The following PCNX2 variants were observed in gnomAD, a reference collection of about 807,000 sequenced individuals.
The protein encoded by PCNX2 is pecanex-like protein 2.
Under a neutral mutation model 223.8 loss-of-function variants are expected in PCNX2, and 168 were observed. The observed-to-expected ratio is 0.75, with a 90% CI of 0.66 to 0.85. The LOEUF (loss-of-function observed/expected upper bound fraction) is 0.85. Among genes scored for constraint, PCNX2 ranks in the 40% least tolerant of loss-of-function variants. PCNX2 has a pLI of 0.00. For synonymous variants in PCNX2, 1,006 were observed against 1,052.6 expected (o/e 0.96, Z 0.86); for missense variants, 2,507 against 2,675.5 (o/e 0.94, Z 1.39).
chr1:233,183,811 A>G (rs1342033768), intron 15 of PCNX2, among the ~76,000 whole-genome samples: 1 of 152,186 alleles, frequency 6.6e-6, no homozygotes, highest in Non-Finnish European at 1.5e-5. Context: ...CACAGCAGGA[A>G]GCAGAAGCTC....
At chr1:232,996,201 GA>G (rs1390875490) in intron 32 of PCNX2, among the ~76,000 whole-genome samples, 1 of 152,076 alleles carries the variant, frequency 6.6e-6, no homozygotes, top group African/African-American at 2.4e-5. Flanking sequence ...AACCAGGTCT[GA>G]AGCACTTCTG....
chr1:233,096,383 T>C (rs192248555), intron 21 of PCNX2, among the ~76,000 whole-genome samples: 1 of 152,134 alleles, frequency 6.6e-6, no homozygotes, highest in Non-Finnish European at 1.5e-5. Context: ...CAAGGAAAAA[T>C]CGAGTTTTGG....
In PCNX2 at chr1:232,986,508, C is replaced by A; in HGVS notation, c.5824G>T (p.Ala1942Ser). ...GGCCTTTGGCTTAGCGCTGAGTGTG[C>A]CTGCACGGACTGGCTCCTGCCTTTC... ...RRKGRSQSVQAHSALSQRPPM... is the reference protein window; with the variant it reads ...RRKGRSQSVQSHSALSQRPPM... The change falls in exon 33 of 34, where the codon GCA becomes TCA. Residue 1942 changes from alanine to serine, a missense_variant. Around this residue, in one of 3 missense-constraint regions of PCNX2, gnomAD observed 1,372 missense variants for 1,509.4 expected, o/e 0.91. Coordinates refer to ENST00000258229, the MANE Select transcript of PCNX2 (RefSeq NM_014801.4). The A allele has an allele frequency of 6.4e-7, 1 of 1,554,512 alleles. No individual in the cohort carries two copies. The highest frequency in any genetic ancestry group is 8.7e-7 in the Non-Finnish European group (1 of 1,149,214).
intron 1 of PCNX2, among the ~76,000 whole-genome samples, chr1:233,290,493 T>C (rs1236994114): frequency 6.6e-6 from 1 of 152,186 alleles, no homozygotes. Context: ...TTGTTGTATG[T>C]TTTAAACTTT....
At chr1:233,124,831 T>A (rs56205588) in intron 21 of PCNX2, among the ~76,000 whole-genome samples, 22,902 of 152,178 alleles carry the variant, frequency 0.15, 1,899 homozygotes, top group East Asian at 0.25. Context: ...AGGTAATAAA[T>A]ACATCATATT....
At position 233,083,629 on chromosome 1, in the gene PCNX2, T is replaced by C. The variant is rs147605399; in HGVS notation, c.4076+6432A>G. On this transcript the variant is annotated intron_variant, in intron 23 of 33. Transcript: ENST00000258229. Reference sequence around the variant, plus strand: ...ATTCACGAGAGCTCACTAAGACTAGTTACAATATTTTTATCATTTATTTTG... The same window carrying C: ...ATTCACGAGAGCTCACTAAGACTAGCTACAATATTTTTATCATTTATTTTG... 3.7e-3 allele frequency among the ~76,000 whole-genome samples: 559 copies of C among 152,314 alleles called. 4 individuals are homozygous for C. Among genetic ancestry groups the C allele is most frequent in the African/African-American group, 0.013 (543 of 41,566 alleles).
At chr1:233,282,874 T>A (rs1323948776) in intron 1 of PCNX2, among the ~76,000 whole-genome samples, 1 of 152,308 alleles carries the variant, frequency 6.6e-6, no homozygotes, top group African/African-American at 2.4e-5. Context: ...GAGGAAAAGC[T>A]AAAATTATAT....
intron 22 of PCNX2, chr1:233,095,506 G>A: frequency 2.0e-6 from 1 of 500,494 alleles, no homozygotes; most frequent in South Asian, 2.4e-5. Context: ...TCTGGGCATG[G>A]GAAATGGAAG....
rs1349960335 is a variant in PCNX2 at position 233,135,013 on chromosome 1, C to T, written c.3837G>A (p.Lys1279=). Reference sequence around the variant, plus strand: ...TGAAGAAAATAGCTAATTCACTTGCCTTGCTAAATAAAATGGACACCATGA... The same window carrying T: ...TGAAGAAAATAGCTAATTCACTTGCTTTGCTAAATAAAATGGACACCATGA... ...DFFMVSILFS[K]LGDLLHKLQF... The change falls in exon 21 of 34, where the codon AAG becomes AAA. Residue 1279 remains lysine (K), a splice_region_variant and synonymous_variant. Transcript: ENST00000258229. 1 of 1,593,810 alleles carries T rather than the reference C, an allele frequency of 6.3e-7. No individual in the cohort carries two copies.
intron 21 of PCNX2, among the ~76,000 whole-genome samples, chr1:233,098,493 T>C (rs1033172043): frequency 6.6e-6 from 1 of 152,220 alleles, no homozygotes; most frequent in Non-Finnish European, 1.5e-5. Context: ...CCTTGTTCTT[T>C]TCCTATGACT....
chr1:233,129,512 G>A (rs983761670), intron 21 of PCNX2, among the ~76,000 whole-genome samples: 2 of 152,240 alleles, frequency 1.3e-5, no homozygotes, highest in East Asian at 1.9e-4. Flanking sequence ...TGGGTTCACA[G>A]TGCGGGACTG....
At chr1:233,265,360 T>C (rs577888670) in intron 1 of PCNX2, among the ~76,000 whole-genome samples, 27 of 152,152 alleles carry the variant, frequency 1.8e-4, no homozygotes, top group Non-Finnish European at 3.4e-4. Context: ...AAATACTCCA[T>C]CCTCTCCTCT....
At chr1:233,134,934 A>C in intron 21 of PCNX2, 79 bp downstream of exon 21, 1 of 1,215,616 alleles carries the variant, frequency 8.2e-7, no homozygotes, top group Non-Finnish European at 1.2e-6. Flanking sequence ...ATAAAGAATA[A>C]GTTTTAAACT....
chr1:233,033,198 T>G (rs947595507), intron 25 of PCNX2: 5 of 985,310 alleles, frequency 5.1e-6, no homozygotes, highest in Non-Finnish European at 6.0e-6. Flanking sequence ...CTGTCACACC[T>G]TTGTCACACC....
At chr1:233,063,765 C>G (rs1351894918) in intron 23 of PCNX2, among the ~76,000 whole-genome samples, 1 of 152,160 alleles carries the variant, frequency 6.6e-6, no homozygotes, top group Non-Finnish European at 1.5e-5. Context: ...TTCTAGACTT[C>G]TAGTTGACAT....
chr1:233,269,268 T>C (rs1225591467), intron 1 of PCNX2, among the ~76,000 whole-genome samples: 2 of 152,202 alleles, frequency 1.3e-5, no homozygotes, highest in Non-Finnish European at 2.9e-5. Flanking sequence ...GTGCTCTTGG[T>C]CTAAGCATAA....
chr1:233,165,349 T>G (rs1247593703), intron 17 of PCNX2, among the ~76,000 whole-genome samples: 1 of 152,118 alleles, frequency 6.6e-6, no homozygotes, highest in East Asian at 1.9e-4. Flanking sequence ...ACATTTTGGT[T>G]TTTACAATTT....
At chr1:233,318,555 TTC>T in the PCNX2 span, among the ~76,000 whole-genome samples, 1 of 125,802 alleles carries the variant, frequency 7.9e-6, no homozygotes, top group Admixed American at 9.5e-5. Flanking sequence ...CTTTTTCTTT[TTC>T]TTTTTCTTTT....
At chr1:233,053,364 C>T (rs1350113633) in intron 25 of PCNX2, among the ~76,000 whole-genome samples, 2 of 152,138 alleles carry the variant, frequency 1.3e-5, no homozygotes, top group Non-Finnish European at 2.9e-5. Context: ...CCAGGCCCTC[C>T]TCGACCATCC....
Sources: gnomAD v4.1 joint callset for allele counts (sites outside exome capture counted in the v4.1 genomes callset) on GRCh38, gnomAD v4.1.1 for gene constraint, gnomAD v4.1.1 regional missense constraint, MANE v1.5 for transcripts, NCBI Gene and HGNC (gene_info 2026-07-23, HGNC 2026-07-21) for gene names.